Variants in OR2L13 observed in about 807,000 individuals in gnomAD.
The protein encoded by OR2L13 is olfactory receptor 2L13.
OR2L13 carries 14 observed loss-of-function variants against 15.3 expected under a neutral mutation model. The observed-to-expected ratio is 0.91, with a 90% CI of 0.60 to 1.43. The LOEUF (loss-of-function observed/expected upper bound fraction) is 1.43, where lower values mean the gene tolerates loss of function less well. Among genes scored for constraint, OR2L13 ranks in the 40% most tolerant of loss-of-function variants. The pLI, the probability that OR2L13 is intolerant of heterozygous loss-of-function variation, is 0.00. For synonymous variants in OR2L13, 152 were observed against 142.9 expected (o/e 1.06, Z -0.45); for missense variants, 367 against 387.9 (o/e 0.95, Z 0.45).
chr1:247,975,642 C>A, the OR2L13 span: 1 of 1,196,512 alleles, frequency 8.4e-7, no homozygotes, highest in Non-Finnish European at 1.2e-6. Flanking sequence ...GTCAGAGAAT[C>A]TTCCCTGTGA....
the OR2L13 span, chr1:248,060,838 C>T: frequency 8.7e-6 from 14 of 1,613,834 alleles, no homozygotes; most frequent in South Asian, 1.3e-4. Context: ...CTTGGACACC[C>T]ATCTCCACAC....
chr1:248,034,425 A>C, the OR2L13 span, among the ~76,000 whole-genome samples: 1 of 152,126 alleles, frequency 6.6e-6, no homozygotes, highest in Non-Finnish European at 1.5e-5. Context: ...TTGTCCTTAA[A>C]AAAACGTTTT....
the OR2L13 span, among the ~76,000 whole-genome samples, chr1:248,019,917 A>C: frequency 4.2e-4 from 64 of 152,124 alleles, no homozygotes; most frequent in African/African-American, 1.5e-3. Context: ...CTCCCCAAGT[A>C]GCTGGGACTA....
chr1:247,960,703 A>C, the OR2L13 span, among the ~76,000 whole-genome samples: 6 of 152,158 alleles, frequency 3.9e-5, no homozygotes, highest in East Asian at 9.6e-4. Flanking sequence ...CTGTGCTAGC[A>C]ATGAGTGAGG....
At chr1:248,092,329 T>C (rs1253731009), upstream of OR2L13, among the ~76,000 whole-genome samples, 5 of 152,164 alleles carry the variant, frequency 3.3e-5, no homozygotes, top group African/African-American at 9.7e-5. Context: ...TAATACTTAA[T>C]GTGTATGTAC....
At chr1:248,018,734 C>T in the OR2L13 span, among the ~76,000 whole-genome samples, 1 of 152,268 alleles carries the variant, frequency 6.6e-6, no homozygotes. Context: ...GCAACCATCA[C>T]CACCATGCAT....
the OR2L13 span, chr1:248,022,190 T>A: frequency 6.2e-7 from 1 of 1,614,084 alleles, no homozygotes; most frequent in Non-Finnish European, 8.5e-7. Context: ...CTAAGATGGC[T>A]TCTGATTTTC....
chr1:248,046,505 T>C, the OR2L13 span, among the ~76,000 whole-genome samples: 1 of 152,288 alleles, frequency 6.6e-6, no homozygotes, highest in South Asian at 2.1e-4. Context: ...TGAATAAATA[T>C]ATTTGTTTCT....
chr1:248,056,485 C>T, the OR2L13 span, among the ~76,000 whole-genome samples: 1 of 152,044 alleles, frequency 6.6e-6, no homozygotes, highest in Non-Finnish European at 1.5e-5. Context: ...TTGCTTTGTG[C>T]ATTTAGTGCA....
At chr1:247,951,322 A>C in the OR2L13 span, among the ~76,000 whole-genome samples, 1 of 152,038 alleles carries the variant, frequency 6.6e-6, no homozygotes, top group African/African-American at 2.4e-5. Context: ...TTATGTGCAG[A>C]TGTCATTGGT....
upstream of OR2L13, among the ~76,000 whole-genome samples, chr1:248,095,607 C>CTGTTTTTTTTTTTTT (rs1553285515): frequency 2.7e-5 from 1 of 37,294 alleles, no homozygotes; most frequent in Non-Finnish European, 5.4e-5. Flanking sequence ...AAAGCTGCTG[C>CTGTTTTTTTTTTTTT]TTTTTTTTTT....
the OR2L13 span, among the ~76,000 whole-genome samples, chr1:248,069,346 C>A: frequency 8.5e-5 from 13 of 152,194 alleles, no homozygotes; most frequent in South Asian, 2.1e-4. Context: ...AAGAATTTTC[C>A]ACCCAGAATT....
At chr1:248,055,266 G>A in the OR2L13 span, among the ~76,000 whole-genome samples, 2 of 152,180 alleles carry the variant, frequency 1.3e-5, no homozygotes, top group African/African-American at 4.8e-5. Flanking sequence ...TGTACAACCA[G>A]CTTGCATCCA....
chr1:248,072,757 C>G, the OR2L13 span, among the ~76,000 whole-genome samples: 1 of 151,666 alleles, frequency 6.6e-6, no homozygotes, highest in African/African-American at 2.4e-5. Context: ...CCAGAACCTA[C>G]AAGACCTCAA....
the OR2L13 span, chr1:248,022,270 G>T: frequency 2.5e-6 from 4 of 1,614,082 alleles, no homozygotes; most frequent in Middle Eastern, 3.3e-4. Context: ...ACTTTTGCAG[G>T]TGCAGAAGCG....
chr1:248,000,624 A>C, the OR2L13 span, among the ~76,000 whole-genome samples: 1 of 151,640 alleles, frequency 6.6e-6, no homozygotes, highest in Non-Finnish European at 1.5e-5. Flanking sequence ...TACATCCTCA[A>C]CTTGATTTAC....
At chr1:248,075,442 T>G in the OR2L13 span, among the ~76,000 whole-genome samples, 1 of 152,214 alleles carries the variant, frequency 6.6e-6, no homozygotes, top group South Asian at 2.1e-4. Context: ...TCTTCCACAA[T>G]GGTTGAACTA....
chr1:247,954,703 G>A, the OR2L13 span, among the ~76,000 whole-genome samples: 7 of 151,600 alleles, frequency 4.6e-5, no homozygotes, highest in Admixed American at 2.0e-4. Context: ...GTTTAAAAAT[G>A]CAAAACTGAA....
At chr1:247,941,269 A>G in the OR2L13 span, among the ~76,000 whole-genome samples, 1 of 152,034 alleles carries the variant, frequency 6.6e-6, no homozygotes, top group African/African-American at 2.4e-5. Context: ...CTGCTCATCA[A>G]TTTTATTTTG....
Sources: allele counts gnomAD v4.1 joint callset (sites outside exome capture counted in the v4.1 genomes callset), GRCh38; gene constraint gnomAD v4.1.1; transcripts MANE v1.5; gene names NCBI Gene and HGNC (gene_info 2026-07-23, HGNC 2026-07-21).